The following OPCML variants were observed in gnomAD, a reference collection of about 807,000 sequenced individuals.
OPCML encodes the protein opioid binding protein/cell adhesion molecule like, also known as opioid-binding protein/cell adhesion molecule.
OPCML carries 13 observed loss-of-function variants against 37.8 expected under a neutral mutation model. The observed-to-expected ratio is 0.34, with a 90% CI of 0.22 to 0.55. The LOEUF (loss-of-function observed/expected upper bound fraction) is 0.55, where lower values mean the gene tolerates loss of function less well. Ranked by LOEUF, OPCML falls within the 20% of genes least tolerant of loss-of-function variation. The probability of loss-of-function intolerance (pLI) is 0.91; values close to 1 mark genes in which losing one functional copy is unlikely to be tolerated. For missense variants in OPCML, 341 were observed against 435.6 expected, an observed-to-expected ratio of 0.78 and a Z score of 1.93; for synonymous variants, 176 against 168.8, an observed-to-expected ratio of 1.04 and a Z score of -0.33.
intron 3 of OPCML, among the ~76,000 whole-genome samples, chr11:132,569,816 AAAC>A (rs1450691446): frequency 1.3e-5 from 2 of 152,182 alleles, no homozygotes; most frequent in African/African-American, 2.4e-5. Context: ...ATTGCAATGA[AAAC>A]AACCAATTTA....
At chr11:132,853,425 A>C (rs563489968) in intron 2 of OPCML, among the ~76,000 whole-genome samples, 36 of 152,334 alleles carry the variant, frequency 2.4e-4, no homozygotes, top group Non-Finnish European at 3.2e-4. Flanking sequence ...GAGCATGGTA[A>C]AAATATGAAT....
intron 2 of OPCML, among the ~76,000 whole-genome samples, chr11:132,707,460 C>G (rs980145777): frequency 5.3e-5 from 8 of 152,178 alleles, no homozygotes; most frequent in African/African-American, 1.7e-4. Flanking sequence ...GGTCCAGGAT[C>G]CTATGGAACA....
At chr11:133,396,289 A>G (rs1272455253) in intron 1 of OPCML, among the ~76,000 whole-genome samples, 1 of 152,134 alleles carries the variant, frequency 6.6e-6, no homozygotes, top group Non-Finnish European at 1.5e-5. Flanking sequence ...ATTAGTTCTA[A>G]TAGTTTTTTG....
At chr11:133,444,023 G>A (rs781781555) in intron 1 of OPCML, among the ~76,000 whole-genome samples, 6 of 152,218 alleles carry the variant, frequency 3.9e-5, no homozygotes, top group African/African-American at 9.6e-5. Context: ...CCTGAGACTC[G>A]GAAGATCAGA....
At chr11:132,717,444 A>T (rs1944532776) in intron 2 of OPCML, among the ~76,000 whole-genome samples, 1 of 152,220 alleles carries the variant, frequency 6.6e-6, no homozygotes. Flanking sequence ...GAAAAACAAG[A>T]TACGAAATAG....
intron 1 of OPCML, among the ~76,000 whole-genome samples, chr11:133,207,119 TAAAAAAA>T (rs71038525): frequency 2.0e-5 from 2 of 99,686 alleles, no homozygotes; most frequent in Non-Finnish European, 1.9e-5. Flanking sequence ...AACCCTCTAC[TAAAAAAA>T]AAAAAAAAAA....
intron 2 of OPCML, among the ~76,000 whole-genome samples, chr11:132,778,261 T>C (rs1946876217): frequency 1.3e-5 from 2 of 152,204 alleles, no homozygotes; most frequent in African/African-American, 4.8e-5. Flanking sequence ...TCTACCAAAT[T>C]GGCCTTTCAG....
At chr11:133,007,257 A>G in intron 1 of OPCML, 1 of 985,372 alleles carries the variant, frequency 1.0e-6, no homozygotes. Flanking sequence ...ATTTGTGGTT[A>G]TATTCAAAAT....
rs117378187 is a variant in OPCML, at chr11:132,912,424, G to A, written c.146+30502C>T. On this transcript the variant is annotated intron_variant, in intron 2 of 7. Coordinates refer to ENST00000524381, the MANE Select transcript of OPCML (RefSeq NM_001012393.5). ...CTTTCCACCTCTTGGTTATGAGGTC[G>A]GGAAGCACAATTAATAATTAACTTC... 3.9e-3 allele frequency among the ~76,000 whole-genome samples: 598 copies of A among 152,120 alleles called. 6 individuals carry two copies. The highest frequency in any genetic ancestry group is 6.9e-3 in the Non-Finnish European group (469 of 68,006).
chr11:132,623,715 C>T (rs1053824650), intron 3 of OPCML, among the ~76,000 whole-genome samples: 1 of 152,056 alleles, frequency 6.6e-6, no homozygotes. Flanking sequence ...GGTCTGATGC[C>T]CCTGGCACAG....
rs190335220 is a variant in OPCML, at chr11:133,127,828, T to C, written c.62-184818A>G. On this transcript the variant is annotated intron_variant, in intron 1 of 7. Transcript: ENST00000524381. ...GGGAATATAAGGGACTATGCAAGCA[T>C]CAAGGAGGGGCACCTCATATGGACA... Among the ~76,000 whole-genome samples, 189 of 152,086 alleles carry C rather than the reference T, an allele frequency of 1.2e-3. 1 individual carries two copies. Among genetic ancestry groups the C allele is most frequent in the Middle Eastern group, 3.4e-3 (1 of 294 alleles).
At chr11:132,764,585 T>C (rs906952534) in intron 2 of OPCML, among the ~76,000 whole-genome samples, 1 of 152,172 alleles carries the variant, frequency 6.6e-6, no homozygotes, top group Non-Finnish European at 1.5e-5. Context: ...TCAAACTAGA[T>C]AATGCATGTA....
chr11:132,631,373 A>C lies in OPCML; in HGVS notation c.379+25714T>G, dbSNP rs991934221. ...TATACATATATATATATATATATAT[A>C]TATCTCCTAGGTGTAAATATACATA... On this transcript the variant is annotated intron_variant, in intron 3 of 7. Coordinates refer to ENST00000524381, the MANE Select transcript of OPCML (RefSeq NM_001012393.5). 5.2e-5 allele frequency among the ~76,000 whole-genome samples: 7 copies of C among 134,008 alleles called. No homozygotes were observed. The South Asian group carries it at 9.1e-4, about 17-fold the overall frequency. 87.9% of individuals were successfully genotyped at this position (134,008 alleles called of 152,430 possible).
At chr11:132,961,293 T>A (rs1486722734) in intron 1 of OPCML, among the ~76,000 whole-genome samples, 2 of 152,126 alleles carry the variant, frequency 1.3e-5, no homozygotes, top group Non-Finnish European at 1.5e-5. Flanking sequence ...GATTCTAAGA[T>A]TTCTACGTCT....
At chr11:132,460,263 A>T (rs964288076) in intron 4 of OPCML, among the ~76,000 whole-genome samples, 1 of 151,830 alleles carries the variant, frequency 6.6e-6, no homozygotes, top group Non-Finnish European at 1.5e-5. Context: ...GAATGCAATG[A>T]CTGCTAGCAA....
intron 4 of OPCML, among the ~76,000 whole-genome samples, chr11:132,461,585 T>C (rs1421605618): frequency 2.6e-5 from 4 of 152,200 alleles, no homozygotes; most frequent in Non-Finnish European, 4.4e-5. Context: ...TGTGAGCTGA[T>C]CTGCAAATTA....
chr11:133,434,651 G>A (rs186996724), intron 1 of OPCML, among the ~76,000 whole-genome samples: 2 of 151,900 alleles, frequency 1.3e-5, no homozygotes, highest in Middle Eastern at 6.8e-3. Context: ...GGCTAAAAAG[G>A]TGGTCAAACT....
At chr11:133,352,518 C>T (rs1032646761) in intron 1 of OPCML, among the ~76,000 whole-genome samples, 15 of 152,280 alleles carry the variant, frequency 9.9e-5, no homozygotes, top group African/African-American at 3.1e-4. Context: ...AAGAAATCTA[C>T]GTATGTATTT....
intron 1 of OPCML, chr11:133,025,665 C>T (rs1278761901): frequency 1.2e-5 from 2 of 170,888 alleles, no homozygotes; most frequent in Non-Finnish European, 2.3e-5. Flanking sequence ...CAGTAATCCT[C>T]CCACCTCAGG....
Sources: allele counts gnomAD v4.1 joint callset (sites outside exome capture counted in the v4.1 genomes callset), GRCh38; gene constraint gnomAD v4.1.1; transcripts MANE v1.5; gene names NCBI Gene and HGNC (gene_info 2026-07-23, HGNC 2026-07-21).